Variants in NEBL observed in about 807,000 individuals in gnomAD.
NEBL encodes LIM and SH3 protein 2.
Under a neutral mutation model 140.2 loss-of-function variants are expected in NEBL, and 122 were observed. That is an observed-to-expected ratio of 0.87 (90% CI 0.75 to 1.01). The LOEUF (loss-of-function observed/expected upper bound fraction) is 1.01. Ranked by LOEUF, NEBL falls within the 50% of genes least tolerant of loss-of-function variation. The probability of loss-of-function intolerance (pLI) is 0.00; values close to 1 mark genes in which losing one functional copy is unlikely to be tolerated. For synonymous variants in NEBL, 436 were observed against 398.9 expected, an observed-to-expected ratio of 1.09 and a Z score of -1.11; for missense variants, 1,365 against 1,231.3, an observed-to-expected ratio of 1.11 and a Z score of -1.62.
intron 1 of NEBL, among the ~76,000 whole-genome samples, chr10:21,264,187 G>C (rs767704354): frequency 3.9e-5 from 6 of 152,192 alleles, no homozygotes; most frequent in Non-Finnish European, 7.3e-5. Context: ...ACTTCACACT[G>C]TGTCCCCAGT....
chr10:20,858,733 G>C (rs574910927), intron 8 of NEBL, among the ~76,000 whole-genome samples: 2 of 152,226 alleles, frequency 1.3e-5, no homozygotes, highest in East Asian at 3.9e-4. Flanking sequence ...ATCACCACAG[G>C]CTTTTTTAAA....
chr10:21,084,551 C>G (rs1352320760), intron 2 of NEBL, among the ~76,000 whole-genome samples: 3 of 151,580 alleles, frequency 2.0e-5, no homozygotes, highest in Non-Finnish European at 2.9e-5. Context: ...GAGCCGAGAT[C>G]GTGCCACTGC....
intron 26 of NEBL, among the ~76,000 whole-genome samples, chr10:20,794,825 C>T (rs760393294): frequency 7.9e-5 from 12 of 152,290 alleles, no homozygotes; most frequent in African/African-American, 2.2e-4. Flanking sequence ...TCCTTAGTCT[C>T]GGGCAATTTG....
At chr10:20,959,877 C>A (rs1835974806) in intron 4 of NEBL, among the ~76,000 whole-genome samples, 1 of 151,856 alleles carries the variant, frequency 6.6e-6, no homozygotes, top group South Asian at 2.1e-4. Context: ...TTTTATACTG[C>A]TGTCTATATA....
In NEBL at chr10:21,240,010, T is replaced by A. The variant is rs913758503; in HGVS notation, n.348+7911A>T. ...CAGCCTGGGTGACAGAGCGAGACTC[T>A]GCCTCAAAAAAAAAAAAAATGCAGT... is the stretch of plus-strand genomic sequence containing the variant. On this transcript the variant is annotated intron_variant and non_coding_transcript_variant, in intron 3 of 8. Coordinates refer to the NEBL transcript ENST00000675702. 7.4e-4 allele frequency among the ~76,000 whole-genome samples: 111 copies of A among 150,480 alleles called. 1 individual carries two copies. Among genetic ancestry groups the A allele is most frequent in the African/African-American group, 2.2e-3 (90 of 40,852 alleles).
chr10:21,174,742 G>A (rs1352540850), upstream of NEBL: 2 of 152,242 alleles, frequency 1.3e-5, no homozygotes, highest in African/African-American at 2.4e-5. Flanking sequence ...GGCCTCTTCC[G>A]AGAGGACGCT....
chr10:21,288,438 A>G (rs1482819193), intron 1 of NEBL, among the ~76,000 whole-genome samples: 1 of 151,914 alleles, frequency 6.6e-6, no homozygotes, highest in Non-Finnish European at 1.5e-5. Flanking sequence ...ACTGCACTCC[A>G]GCTTGGGTGA....
At chr10:21,230,947 C>T (rs1260644193) in intron 3 of NEBL, among the ~76,000 whole-genome samples, 2 of 152,056 alleles carry the variant, frequency 1.3e-5, no homozygotes, top group African/African-American at 2.4e-5. Context: ...CATGCCAGTC[C>T]ATTTCTTATT....
chr10:21,021,773 G>A (rs1838805460), intron 2 of NEBL, among the ~76,000 whole-genome samples: 1 of 152,146 alleles, frequency 6.6e-6, no homozygotes, highest in African/African-American at 2.4e-5. Flanking sequence ...AAGTTCTGTG[G>A]TAGCAATAGT....
At chr10:20,866,709 G>A (rs900341234) in intron 7 of NEBL, among the ~76,000 whole-genome samples, 15 of 152,122 alleles carry the variant, frequency 9.9e-5, no homozygotes, top group Non-Finnish European at 1.8e-4. Context: ...CTAAGGACGC[G>A]TCTTTCTTCT....
intron 4 of NEBL, among the ~76,000 whole-genome samples, chr10:20,909,238 T>C (rs1273581348): frequency 6.6e-6 from 1 of 150,716 alleles, no homozygotes; most frequent in Non-Finnish European, 1.5e-5. Context: ...GTAGGTTTCG[T>C]TCATTCTATT....
chr10:20,985,385 C>T (rs1272313961), intron 3 of NEBL, among the ~76,000 whole-genome samples: 2 of 152,126 alleles, frequency 1.3e-5, no homozygotes, highest in East Asian at 1.9e-4. Context: ...CCTCCTTTAC[C>T]CACTCACAAA....
chr10:21,029,726 A>G, intron 2 of NEBL: 1 of 864,408 alleles, frequency 1.2e-6, no homozygotes, highest in Non-Finnish European at 2.0e-6. Flanking sequence ...GAGTATCGGG[A>G]TGGCCCATGC....
intron 2 of NEBL, among the ~76,000 whole-genome samples, chr10:21,068,074 T>C (rs777018353): frequency 3.3e-5 from 5 of 152,330 alleles, no homozygotes; most frequent in South Asian, 2.1e-4. Flanking sequence ...GTAGGAACAC[T>C]GAAATTGTGA....
At chr10:20,996,658 A>G (rs1003439924) in intron 3 of NEBL, among the ~76,000 whole-genome samples, 2 of 152,198 alleles carry the variant, frequency 1.3e-5, no homozygotes, top group Admixed American at 6.5e-5. Context: ...ACATTCCACT[A>G]GTTCTCAGGG....
In NEBL at chr10:20,807,007, T is replaced by C. The variant is rs537234173; in HGVS notation, c.2761+1503A>G. Among the ~76,000 whole-genome samples, 4 of 152,244 alleles carry C rather than the reference T, an allele frequency of 2.6e-5. No individual in the cohort carries two copies. In the South Asian group the frequency reaches 8.3e-4, roughly 32 times the overall value. On this transcript the variant is annotated intron_variant, in intron 26 of 27. Coordinates refer to ENST00000377122, the MANE Select transcript of NEBL (RefSeq NM_006393.3). ...AGAACCAGGAAGGACACTGAGGGCA[T>C]AAATCAGTGACCCCACGTCCAAAAA... is the stretch of plus-strand genomic sequence containing the variant.
At chr10:20,837,109 C>T (rs745476320) in intron 13 of NEBL, among the ~76,000 whole-genome samples, 7 of 152,016 alleles carry the variant, frequency 4.6e-5, no homozygotes, top group Non-Finnish European at 7.4e-5. Flanking sequence ...ACAGAAGAGA[C>T]GTGCTTTAAG....
At chr10:21,013,313 T>G (rs1838419352) in intron 3 of NEBL, among the ~76,000 whole-genome samples, 1 of 152,170 alleles carries the variant, frequency 6.6e-6, no homozygotes, top group Non-Finnish European at 1.5e-5. Context: ...ATAAACATGC[T>G]GAAGCTTCTC....
chr10:20,964,807 G>C (rs68140601), intron 3 of NEBL, among the ~76,000 whole-genome samples: 14,568 of 152,164 alleles, frequency 0.096, 1,030 homozygotes, highest in African/African-American at 0.2. Flanking sequence ...GAGTGATTGA[G>C]AGAGAGTCCT....
Sources: gnomAD v4.1 joint callset for allele counts (sites outside exome capture counted in the v4.1 genomes callset) on GRCh38, gnomAD v4.1.1 for gene constraint, MANE v1.5 for transcripts, NCBI Gene and HGNC (gene_info 2026-07-23, HGNC 2026-07-21) for gene names.